The following CLVS1 variants were observed in gnomAD, a reference collection of about 807,000 sequenced individuals.
CLVS1 encodes the protein clavesin-1.
CLVS1 carries 10 observed loss-of-function variants against 33.1 expected under a neutral mutation model. The ratio of observed to expected loss-of-function variants is 0.30; its 90% CI spans 0.19 to 0.51. The LOEUF (loss-of-function observed/expected upper bound fraction) is 0.51. CLVS1 is among the 20% of genes least tolerant of loss of function. The pLI is 0.97. For missense variants in CLVS1, 343 were observed against 433.4 expected, an observed-to-expected ratio of 0.79 and a Z score of 1.85; for synonymous variants, 163 against 166.1, an observed-to-expected ratio of 0.98 and a Z score of 0.14.
intron 3 of CLVS1, among the ~76,000 whole-genome samples, chr8:61,379,666 G>A (rs1398581156): frequency 6.6e-6 from 1 of 152,124 alleles, no homozygotes; most frequent in Non-Finnish European, 1.5e-5. Context: ...AGTTCTCTGG[G>A]GAGCAGACTA....
chr8:61,287,256 T>C (rs989654981), upstream of CLVS1, among the ~76,000 whole-genome samples: 1 of 151,996 alleles, frequency 6.6e-6, no homozygotes, highest in Non-Finnish European at 1.5e-5. Flanking sequence ...ACTGGCGAGG[T>C]TGATATTAAA....
At chr8:61,166,053 T>C (rs1273193227) in intron 2 of CLVS1, among the ~76,000 whole-genome samples, 2 of 151,648 alleles carry the variant, frequency 1.3e-5, no homozygotes, top group Admixed American at 1.3e-4. Flanking sequence ...TTTGCCTGCC[T>C]TTGGAATGCT....
intron 1 of CLVS1, among the ~76,000 whole-genome samples, chr8:61,058,582 G>A (rs1297682724): frequency 1.3e-5 from 2 of 152,176 alleles, no homozygotes; most frequent in African/African-American, 2.4e-5. Context: ...TGTGGAAAGT[G>A]TACAGTTTTC....
At chr8:61,043,335 G>T in the CLVS1 span, among the ~76,000 whole-genome samples, 3 of 152,206 alleles carry the variant, frequency 2.0e-5, no homozygotes, top group Non-Finnish European at 4.4e-5. Context: ...AAGCAGCATG[G>T]TATCCTGGAA....
intron 2 of CLVS1, among the ~76,000 whole-genome samples, chr8:61,167,308 C>T (rs894036846): frequency 2.6e-5 from 4 of 151,806 alleles, no homozygotes; most frequent in East Asian, 3.9e-4. Context: ...CATTCTCCTG[C>T]CTCAGCCTCC....
At chr8:61,019,435 C>A in the CLVS1 span, among the ~76,000 whole-genome samples, 2 of 152,198 alleles carry the variant, frequency 1.3e-5, no homozygotes, top group Non-Finnish European at 2.9e-5. Context: ...ACCTACTTCT[C>A]ATCCAGAATA....
At chr8:60,986,479 C>G in the CLVS1 span, among the ~76,000 whole-genome samples, 1 of 152,306 alleles carries the variant, frequency 6.6e-6, no homozygotes, top group East Asian at 1.9e-4. Flanking sequence ...TACTCTTTGA[C>G]TTTTGGAGTT....
intron 2 of CLVS1, among the ~76,000 whole-genome samples, chr8:61,348,114 C>T (rs113703135): frequency 2.4e-4 from 37 of 152,122 alleles, no homozygotes; most frequent in African/African-American, 6.3e-4. Context: ...TCTCCCCAAA[C>T]GCAACCATTG....
chr8:61,072,167 G>GC (rs1804808290), intron 1 of CLVS1, among the ~76,000 whole-genome samples: 1 of 152,074 alleles, frequency 6.6e-6, no homozygotes, highest in South Asian at 2.1e-4. Context: ...AGCTTTCCTG[G>GC]CTCCTCCTTT....
At chr8:61,079,238 G>T (rs925667956) in intron 1 of CLVS1, among the ~76,000 whole-genome samples, 1 of 152,118 alleles carries the variant, frequency 6.6e-6, no homozygotes, top group Non-Finnish European at 1.5e-5. Context: ...TACTCTTTAT[G>T]TTTTATTCCC....
the CLVS1 span, among the ~76,000 whole-genome samples, chr8:60,988,337 A>T: frequency 6.6e-6 from 1 of 152,132 alleles, no homozygotes; most frequent in Non-Finnish European, 1.5e-5. Context: ...TAGTCTTCCC[A>T]GTCTTCCCAC....
rs78830607 is a variant in CLVS1 at position 61,194,485 on chromosome 8, G to A, written c.-152+62625G>A. Among the ~76,000 whole-genome samples the A allele has an allele frequency of 3.3e-3, 499 of 152,024 alleles. 5 individuals are homozygous for A. The highest frequency in any genetic ancestry group is 0.011 in the African/African-American group (472 of 41,520). ...GTTGGTGCATTACTAGAAATGAATT[G>A]GGATAGTGCACAATGATAAAAGGTT... On this transcript the variant is annotated intron_variant, in intron 2 of 2. Coordinates refer to the CLVS1 transcript ENST00000522621.
chr8:61,186,674 G>T (rs1807350491), intron 2 of CLVS1, among the ~76,000 whole-genome samples: 1 of 152,082 alleles, frequency 6.6e-6, no homozygotes, highest in South Asian at 2.1e-4. Context: ...GGGAGGGAGA[G>T]AGGAAGGGAG....
chr8:61,482,408 G>A (rs1010257808), intron 5 of CLVS1, among the ~76,000 whole-genome samples: 9 of 152,308 alleles, frequency 5.9e-5, no homozygotes, highest in Middle Eastern at 3.4e-3. Context: ...AAACTTCTCC[G>A]AGCTAAAGGA....
At chr8:61,284,175 T>C (rs887187619), upstream of CLVS1, among the ~76,000 whole-genome samples, 2 of 152,112 alleles carry the variant, frequency 1.3e-5, no homozygotes, top group African/African-American at 4.8e-5. Context: ...GTTGTTGTCA[T>C]AGAAGTAGAA....
At chr8:61,289,518 G>A (rs1809903558) in intron 1 of CLVS1, among the ~76,000 whole-genome samples, 1 of 152,126 alleles carries the variant, frequency 6.6e-6, no homozygotes, top group Non-Finnish European at 1.5e-5. Flanking sequence ...GAACAGTAAA[G>A]CATTGGGATT....
chr8:61,259,626 C>T (rs937104932), intron 2 of CLVS1, among the ~76,000 whole-genome samples: 4 of 152,204 alleles, frequency 2.6e-5, no homozygotes, highest in African/African-American at 9.7e-5. Flanking sequence ...CAGCATGTTG[C>T]TCATATGCAT....
intron 3 of CLVS1, among the ~76,000 whole-genome samples, chr8:61,396,170 C>T (rs1045307940): frequency 3.3e-5 from 5 of 152,138 alleles, no homozygotes; most frequent in Non-Finnish European, 5.9e-5. Flanking sequence ...AGTTGTTTGC[C>T]AGAGGACAAA....
intron 2 of CLVS1, among the ~76,000 whole-genome samples, chr8:61,140,359 C>A (rs1202740997): frequency 6.6e-6 from 1 of 152,126 alleles, no homozygotes; most frequent in African/African-American, 2.4e-5. Flanking sequence ...ATTTGATGAT[C>A]ATGAAGACCA....
Sources: gnomAD v4.1 joint callset for allele counts (sites outside exome capture counted in the v4.1 genomes callset) on GRCh38, gnomAD v4.1.1 for gene constraint, MANE v1.5 for transcripts, NCBI Gene and HGNC (gene_info 2026-07-23, HGNC 2026-07-21) for gene names.